Variants in ZMAT4 observed in about 807,000 individuals in gnomAD.
The protein encoded by ZMAT4 is zinc finger matrin-type 4.
In ZMAT4, 17 loss-of-function variants were observed where a neutral mutation model predicts 28.7. That is an observed-to-expected ratio of 0.59 (90% confidence interval 0.41 to 0.89). The LOEUF (loss-of-function observed/expected upper bound fraction) is 0.89, where lower values mean the gene tolerates loss of function less well. Ranked by LOEUF, ZMAT4 falls within the 40% of genes least tolerant of loss-of-function variation. The probability of loss-of-function intolerance (pLI) is 0.00; values close to 1 mark genes in which losing one functional copy is unlikely to be tolerated. For missense variants in ZMAT4, 240 were observed against 283.8 expected (o/e 0.85, Z 1.11); for synonymous variants, 117 against 109.2 (o/e 1.07, Z -0.44).
At chr8:40,637,040 A>T (rs1454110542) in intron 5 of ZMAT4, among the ~76,000 whole-genome samples, 1 of 152,004 alleles carries the variant, frequency 6.6e-6, no homozygotes. Flanking sequence ...GAAAAGTTCC[A>T]AAAAGAAGAT....
chr8:40,779,419 G>C (rs943764604), intron 2 of ZMAT4, among the ~76,000 whole-genome samples: 1 of 151,894 alleles, frequency 6.6e-6, no homozygotes, highest in South Asian at 2.1e-4. Flanking sequence ...CAACTAGAGG[G>C]ACCAGAGAGA....
intron 1 of ZMAT4, among the ~76,000 whole-genome samples, chr8:40,887,753 C>T (rs1008371490): frequency 6.6e-6 from 1 of 152,124 alleles, no homozygotes; most frequent in Non-Finnish European, 1.5e-5. Flanking sequence ...ACCCACTTCC[C>T]CTGCCTCTCG....
At chr8:40,823,518 G>C (rs758737031) in intron 2 of ZMAT4, among the ~76,000 whole-genome samples, 1 of 152,146 alleles carries the variant, frequency 6.6e-6, no homozygotes, top group Non-Finnish European at 1.5e-5. Flanking sequence ...AATTAGCCAG[G>C]TGTGGTGTCA....
At chr8:40,676,871 ATTCT>A (rs925487446) in intron 4 of ZMAT4, among the ~76,000 whole-genome samples, 1 of 152,176 alleles carries the variant, frequency 6.6e-6, no homozygotes, top group Non-Finnish European at 1.5e-5. Context: ...ACCCAGTATC[ATTCT>A]GCTATGACTT....
chr8:40,872,595 G>T (rs576994988), intron 1 of ZMAT4, among the ~76,000 whole-genome samples: 1 of 152,306 alleles, frequency 6.6e-6, no homozygotes, highest in South Asian at 2.1e-4. Flanking sequence ...ATTGCCAAGG[G>T]TGGCACAGTG....
intron 1 of ZMAT4, among the ~76,000 whole-genome samples, chr8:40,859,476 A>G (rs1272115192): frequency 2.0e-5 from 3 of 151,392 alleles, no homozygotes; most frequent in Non-Finnish European, 4.4e-5. Flanking sequence ...ACACACATGC[A>G]CACACACACA....
chr8:40,630,979 A>AT (rs34600223), intron 5 of ZMAT4, among the ~76,000 whole-genome samples: 117,762 of 151,006 alleles, frequency 0.78, 46,927 homozygotes, highest in Non-Finnish European at 0.88. Context: ...AGAAATGCAC[A>AT]TTTTTTTTTC....
At chr8:40,591,944 A>T (rs1241695409) in intron 5 of ZMAT4, among the ~76,000 whole-genome samples, 1 of 150,000 alleles carries the variant, frequency 6.7e-6, no homozygotes, top group Admixed American at 6.7e-5. Context: ...TTTCAAAATT[A>T]ATTACCTTAA....
At chr8:40,830,325 C>T (rs1434462943) in intron 1 of ZMAT4, among the ~76,000 whole-genome samples, 1 of 152,100 alleles carries the variant, frequency 6.6e-6, no homozygotes. Flanking sequence ...CCCTCACCCC[C>T]TCTTCCACTC....
chr8:40,708,427 G>T (rs999418227), intron 3 of ZMAT4, among the ~76,000 whole-genome samples: 1 of 152,116 alleles, frequency 6.6e-6, no homozygotes, highest in Non-Finnish European at 1.5e-5. Context: ...GCTGAGAGTA[G>T]AATTAAAACT....
At chr8:40,629,577 C>A (rs898387119) in intron 5 of ZMAT4, among the ~76,000 whole-genome samples, 21 of 138,860 alleles carry the variant, frequency 1.5e-4, no homozygotes, top group Admixed American at 1.1e-3. Context: ...CCACAACAGG[C>A]CCCGGTGTGT....
intron 1 of ZMAT4, among the ~76,000 whole-genome samples, chr8:40,874,173 T>C (rs1398165383): frequency 6.6e-6 from 1 of 152,182 alleles, no homozygotes; most frequent in East Asian, 1.9e-4. Flanking sequence ...ATGGCTTAAG[T>C]TCTGAGCACT....
intron 3 of ZMAT4, among the ~76,000 whole-genome samples, chr8:40,760,917 G>A (rs1170436109): frequency 6.6e-6 from 1 of 152,124 alleles, no homozygotes; most frequent in Admixed American, 6.6e-5. Flanking sequence ...GATACTGCAT[G>A]TGGTTTCCTA....
At chr8:40,773,685 A>C (rs1035945357) in intron 2 of ZMAT4, among the ~76,000 whole-genome samples, 1 of 152,320 alleles carries the variant, frequency 6.6e-6, no homozygotes, top group Admixed American at 6.5e-5. Context: ...ATAAGACAAC[A>C]GATTGAGATA....
intron 2 of ZMAT4, among the ~76,000 whole-genome samples, chr8:40,790,053 T>A (rs1264060465): frequency 6.6e-6 from 1 of 152,184 alleles, no homozygotes; most frequent in Non-Finnish European, 1.5e-5. Flanking sequence ...TGATTCCCTC[T>A]CTTTTCCACC....
At chr8:40,884,109 G>A (rs1432884102) in intron 1 of ZMAT4, among the ~76,000 whole-genome samples, 1 of 152,182 alleles carries the variant, frequency 6.6e-6, no homozygotes, top group Non-Finnish European at 1.5e-5. Flanking sequence ...GGTCCTCGCT[G>A]TCCTGTCTCG....
chr8:40,877,685 C>T lies in ZMAT4; in HGVS notation c.-5+19998G>A, dbSNP rs191350736. ...TTAGACATGGAACTATAAACATATGCGTGTGTGTGTGTGTAGAGGGAAACA... is the reference window on the plus strand; with the variant it reads ...TTAGACATGGAACTATAAACATATGTGTGTGTGTGTGTGTAGAGGGAAACA... On this transcript the variant is annotated intron_variant, in intron 1 of 6. Transcript: ENST00000297737. Among the ~76,000 whole-genome samples the T allele has an allele frequency of 3.3e-3, 507 of 151,526 alleles. 3 individuals are homozygous for T. The highest frequency in any genetic ancestry group is 0.012 in the African/African-American group (478 of 41,344).
At chr8:40,619,297 A>G (rs187373099) in intron 5 of ZMAT4, among the ~76,000 whole-genome samples, 41 of 152,326 alleles carry the variant, frequency 2.7e-4, no homozygotes, top group African/African-American at 9.6e-4. Context: ...TTTTATGCCC[A>G]TTCCAACTCT....
At chr8:40,726,395 G>T (rs888845572) in intron 3 of ZMAT4, among the ~76,000 whole-genome samples, 6 of 152,236 alleles carry the variant, frequency 3.9e-5, no homozygotes, top group Admixed American at 3.3e-4. Flanking sequence ...TGATTAAGTA[G>T]AATGTCTATG....
Sources: allele counts gnomAD v4.1 joint callset (sites outside exome capture counted in the v4.1 genomes callset), GRCh38; gene constraint gnomAD v4.1.1; transcripts MANE v1.5; gene names NCBI Gene and HGNC (gene_info 2026-07-23, HGNC 2026-07-21).